CATSPERE: variants seen among roughly 807,000 people sequenced by gnomAD.
CATSPERE encodes the protein cation channel sperm-associated auxiliary subunit epsilon.
A neutral mutation model predicts 114.1 loss-of-function variants in CATSPERE; 93 were observed. The ratio of observed to expected loss-of-function variants is 0.81; its 90% CI spans 0.69 to 0.97. The LOEUF is 0.97. Ranked by LOEUF, CATSPERE falls within the 50% of genes least tolerant of loss-of-function variation. CATSPERE has a pLI of 0.00. For missense variants in CATSPERE, 1,058 were observed against 1,131.6 expected, an observed-to-expected ratio of 0.93 and a Z score of 0.93; for synonymous variants, 341 against 384.1, an observed-to-expected ratio of 0.89 and a Z score of 1.31.
rs949025861 is a variant in CATSPERE, at chr1:244,568,460, G to T, written c.1508-3870G>T. 6.6e-6 allele frequency among the ~76,000 whole-genome samples: 1 copy of T among 152,216 alleles called. No homozygotes were observed. Among genetic ancestry groups the T allele is most frequent in the African/African-American group, 2.4e-5 (1 of 41,456 alleles). ...CGCCCAGGGCCACCCCTTTCCCCAG[G>T]TGCTCTGTCCCAGGGAGATGAGGGT... is the stretch of plus-strand genomic sequence containing the variant. On this transcript the variant is annotated intron_variant, in intron 10 of 21. Coordinates refer to ENST00000366534, the MANE Select transcript of CATSPERE (RefSeq NM_001130957.2). The surrounding 1 kb of genome is among the most constrained non-coding windows in gnomAD (Gnocchi z 4.4).
At chr1:244,480,980 A>C (rs1471820250) in intron 5 of CATSPERE, among the ~76,000 whole-genome samples, 1 of 152,172 alleles carries the variant, frequency 6.6e-6, no homozygotes, top group Non-Finnish European at 1.5e-5. Context: ...TGGGGATAAC[A>C]AGTCCTGGTA....
At chr1:244,631,234 G>C (rs61842405) in intron 20 of CATSPERE, among the ~76,000 whole-genome samples, 15,252 of 151,992 alleles carry the variant, frequency 0.1, 863 homozygotes, top group South Asian at 0.13. Context: ...CTGATGGGGA[G>C]GATCATTTGA....
At chr1:244,623,697 G>A (rs12407198) in intron 20 of CATSPERE, among the ~76,000 whole-genome samples, 89,682 of 151,884 alleles carry the variant, frequency 0.59, 27,161 homozygotes, top group Middle Eastern at 0.71. Flanking sequence ...GCCGTAAAGC[G>A]AGTCATGTGA....
intron 5 of CATSPERE, among the ~76,000 whole-genome samples, chr1:244,481,383 G>T (rs575554623): frequency 6.6e-6 from 1 of 152,112 alleles, no homozygotes; most frequent in Non-Finnish European, 1.5e-5. Flanking sequence ...CCTGGGAGGC[G>T]GAGGTTGCAG....
At chr1:244,507,845 A>G (rs1048056377) in intron 7 of CATSPERE, among the ~76,000 whole-genome samples, 5 of 152,110 alleles carry the variant, frequency 3.3e-5, no homozygotes, top group African/African-American at 9.7e-5. Context: ...TGTTTTTATA[A>G]CAATACCATG....
At chr1:244,596,654 C>G (rs1370268928) in intron 17 of CATSPERE, among the ~76,000 whole-genome samples, 4 of 152,044 alleles carry the variant, frequency 2.6e-5, no homozygotes, top group African/African-American at 9.6e-5. Flanking sequence ...AAATACCTCA[C>G]GCATGCGGGG....
At chr1:244,513,366 C>T (rs192277806) in intron 7 of CATSPERE, among the ~76,000 whole-genome samples, 3 of 152,144 alleles carry the variant, frequency 2.0e-5, no homozygotes, top group Non-Finnish European at 4.4e-5. Flanking sequence ...TATTCTCAGG[C>T]CCCTGAAAGG....
chr1:244,491,507 C>T (rs1407910078), intron 6 of CATSPERE, among the ~76,000 whole-genome samples: 10 of 151,910 alleles, frequency 6.6e-5, no homozygotes, highest in African/African-American at 1.9e-4. Flanking sequence ...GATCCAAAAT[C>T]GACACCCTAA....
chr1:244,593,528 C>A lies in CATSPERE; in HGVS notation c.2253C>A (p.Gly751=). 6.2e-7 allele frequency: 1 copy of A among 1,614,048 alleles called. No homozygotes were observed. The highest frequency in any genetic ancestry group is 1.1e-5 in the South Asian group (1 of 91,086). Residue 751 remains glycine (G), a synonymous_variant, in exon 17 of 22, where the codon GGC becomes GGA. Transcript: ENST00000366534. ...LRVRYIWGEY[G]CPLRLDFTEK... is the part of the protein sequence containing the mutation. ...TAAGGTATATTTGGGGAGAATATGG[C>A]TGCCCTCTGAGGCTTGACTTCACAG...
intron 10 of CATSPERE, among the ~76,000 whole-genome samples, chr1:244,567,208 GA>G (rs1327155455): frequency 1.3e-5 from 2 of 152,212 alleles, no homozygotes; most frequent in Non-Finnish European, 2.9e-5. Flanking sequence ...TTTCTGCAGA[GA>G]GATCTGCTGT....
intron 20 of CATSPERE, among the ~76,000 whole-genome samples, chr1:244,625,426 A>ATTTTTTTT (rs1326525192): frequency 0.026 from 104 of 3,942 alleles, 13 homozygotes; most frequent in Non-Finnish European, 0.057. Flanking sequence ...ATATATATAT[A>ATTTTTTTT]TATATATTTT....
chr1:244,530,150 T>C (rs952517046), intron 8 of CATSPERE, among the ~76,000 whole-genome samples: 1 of 152,182 alleles, frequency 6.6e-6, no homozygotes, highest in African/African-American at 2.4e-5. Flanking sequence ...GGTTTCCCCA[T>C]GTTGGCCAGG....
chr1:244,452,628 T>A (rs924100255), upstream of CATSPERE, among the ~76,000 whole-genome samples: 1 of 152,208 alleles, frequency 6.6e-6, no homozygotes, highest in Non-Finnish European at 1.5e-5. Context: ...TCGCATATAG[T>A]ACATATATGC....
intron 8 of CATSPERE, among the ~76,000 whole-genome samples, chr1:244,539,894 A>C (rs1420872874): frequency 2.0e-5 from 3 of 148,486 alleles, no homozygotes; most frequent in Non-Finnish European, 4.4e-5. Context: ...CTAGTGGTCT[A>C]TCAATTTTGT....
At chr1:244,513,588 C>G (rs918628261) in intron 7 of CATSPERE, among the ~76,000 whole-genome samples, 2 of 152,166 alleles carry the variant, frequency 1.3e-5, no homozygotes, top group African/African-American at 4.8e-5. Context: ...GTAGGCAGGT[C>G]TGGCCTATCA....
intron 5 of CATSPERE, among the ~76,000 whole-genome samples, chr1:244,489,645 A>G (rs1447366412): frequency 6.6e-6 from 1 of 151,668 alleles, no homozygotes; most frequent in Non-Finnish European, 1.5e-5. Flanking sequence ...TCTGCTTGTC[A>G]TTTTCCAGTG....
At chr1:244,513,985 C>T (rs189585191) in intron 7 of CATSPERE, among the ~76,000 whole-genome samples, 36 of 152,236 alleles carry the variant, frequency 2.4e-4, no homozygotes, top group African/African-American at 8.4e-4. Flanking sequence ...TCTATATATT[C>T]TGGATATTAA....
At chr1:244,542,035 A>T (rs1254121492) in intron 8 of CATSPERE, among the ~76,000 whole-genome samples, 21 of 145,286 alleles carry the variant, frequency 1.4e-4, no homozygotes, top group African/African-American at 5.3e-4. Context: ...GAGGGATAGC[A>T]TTGGGAGATA....
intron 20 of CATSPERE, among the ~76,000 whole-genome samples, chr1:244,625,065 A>T (rs1315943346): frequency 6.6e-6 from 1 of 152,064 alleles, no homozygotes; most frequent in African/African-American, 2.4e-5. Flanking sequence ...TCCCATGATC[A>T]TGAATGTTCT....
Sources: gnomAD v4.1 joint callset for allele counts (sites outside exome capture counted in the v4.1 genomes callset) on GRCh38, gnomAD v4.1.1 for gene constraint, Gnocchi (gnomAD v3.1) non-coding constraint, MANE v1.5 for transcripts, NCBI Gene and HGNC (gene_info 2026-07-23, HGNC 2026-07-21) for gene names.